SUSD2: variants seen among roughly 807,000 people sequenced by gnomAD.
SUSD2 encodes sushi domain-containing protein 2.
In SUSD2, 86 loss-of-function variants were observed where a neutral mutation model predicts 93.8. The observed-to-expected ratio is 0.92, with a 90% CI of 0.77 to 1.10. The LOEUF is 1.10. SUSD2 is among the 50% of genes least tolerant of loss of function. The probability of loss-of-function intolerance (pLI) is 0.00; values close to 1 mark genes in which losing one functional copy is unlikely to be tolerated. For synonymous variants in SUSD2, 483 were observed against 485.0 expected (o/e 1.00, Z 0.05); for missense variants, 1,060 against 1,137.0 (o/e 0.93, Z 0.97).
intron 2 of SUSD2, 43 bp from the exon 3 acceptor site, chr22:24,183,452 G>A (rs769248695): frequency 6.3e-7 from 1 of 1,590,638 alleles, no homozygotes; most frequent in Non-Finnish European, 8.6e-7. Context: ...GAGAGGCTCA[G>A]CCTGCAATGA....
Position 24,188,297 on chromosome 22 carries a change from A to G in SUSD2, c.2414A>G (p.Tyr805Cys), listed in dbSNP as rs374101403. ...LAVVAAVALV[Y>C]VLLRRRKGNT... is the part of the protein sequence containing the mutation. ...GTGGTGGCGGCGGTTGCGCTCGTCTATGTGCTGCTGCGCCGCAGGAAGGGC... is the reference window on the plus strand; with the variant it reads ...GTGGTGGCGGCGGTTGCGCTCGTCTGTGTGCTGCTGCGCCGCAGGAAGGGC... The change falls in exon 14 of 15, where the codon TAT becomes TGT. Residue 805 changes from tyrosine to cysteine, a missense_variant. Tyr to Cys is a radical substitution (Grantham distance 194). This residue lies in a region of SUSD2 where 973 missense variants were observed against 1,005.3 expected (regional missense o/e 0.97). Coordinates refer to ENST00000358321, the MANE Select transcript of SUSD2 (RefSeq NM_019601.4). The surrounding 1 kb of genome is among the most constrained non-coding windows in gnomAD (Gnocchi z 4.7). 59 of 1,606,302 alleles carry G rather than the reference A, an allele frequency of 3.7e-5. No individual in the cohort carries two copies. The highest frequency in any genetic ancestry group is 4.3e-5 in the Non-Finnish European group (51 of 1,176,972).
Position 24,187,630 on chromosome 22 carries a change from T to C in SUSD2, c.1951T>C (p.Phe651Leu), listed in dbSNP as rs763735794. ...CGATTCCTGGTTCCTGGTCCACAACTTCCTGTACCAACCCAAGCACGACCC... is the reference window on the plus strand; with the variant it reads ...CGATTCCTGGTTCCTGGTCCACAACCTCCTGTACCAACCCAAGCACGACCC... ...TYDSWFLVHN[F>L]LYQPKHDPTF... Residue 651 changes from phenylalanine (F) to leucine (L), a missense_variant, in exon 12 of 15, where the codon TTC becomes CTC. By Grantham distance (22) the Phe-to-Leu change is conservative. Coordinates refer to ENST00000358321, the MANE Select transcript of SUSD2 (RefSeq NM_019601.4). 2.5e-6 allele frequency: 4 copies of C among 1,613,608 alleles called. No individual in the cohort carries two copies. Among genetic ancestry groups the C allele is most frequent in the South Asian group, 2.2e-5 (2 of 91,076 alleles).
Position 24,181,518 on chromosome 22 carries a change from C to T in SUSD2, c.-2C>T, listed in dbSNP as rs769346513. 11 of 1,576,374 alleles carry T rather than the reference C, an allele frequency of 7.0e-6. No individual in the cohort carries two copies. The highest frequency in any genetic ancestry group is 9.4e-6 in the Non-Finnish European group (11 of 1,165,560). ...CTGCTGGCTGCAGACACAGGCTGCA[C>T]CATGAAGCCAGCCCTCCTGCCCTGG... On this transcript the variant is annotated 5_prime_UTR_variant, in exon 1 of 15. Coordinates refer to ENST00000358321, the MANE Select transcript of SUSD2 (RefSeq NM_019601.4).
chr22:24,188,309 G>A lies in SUSD2; in HGVS notation c.2426G>A (p.Arg809His), dbSNP rs140380774. 46 of 1,605,688 alleles carry A rather than the reference G, an allele frequency of 2.9e-5. No homozygotes were observed. The highest frequency in any genetic ancestry group is 1.5e-4 in the Admixed American group (9 of 59,686). ...AAVALVYVLL[R>H]RRKGNTHVWG... ...GTTGCGCTCGTCTATGTGCTGCTGC[G>A]CCGCAGGAAGGGCAACACGTGAGAC... Residue 809 changes from arginine (R) to histidine (H), a missense_variant, in exon 14 of 15, where the codon CGC (arginine) becomes CAC (histidine). This residue lies in a region of SUSD2 where 973 missense variants were observed against 1,005.3 expected (regional missense o/e 0.97). Transcript: ENST00000358321. This position sits in a 1 kb window ranked among gnomAD's most constrained non-coding sequence, Gnocchi z 4.7.
chr22:24,185,763 C>T lies in SUSD2; in HGVS notation c.1173C>T (p.Asp391=), dbSNP rs777413414. The stretch of plus-strand genomic sequence containing the variant: ...GCAGCACTCCCGACCGCGGCCATGA[C>T]TGGGGCGCACCCCCGTTCCGCACGC... ...SGGSTPDRGH[D]WGAPPFRTPP... Residue 391 remains aspartate (D), a synonymous_variant, in exon 8 of 15, where the codon GAC becomes GAT. Transcript: ENST00000358321. The T allele has an allele frequency of 1.7e-5, 28 of 1,609,800 alleles. No homozygotes were observed. Among genetic ancestry groups the T allele is most frequent in the Non-Finnish European group, 2.3e-5 (27 of 1,178,808 alleles).
intron 10 of SUSD2, 111 bp downstream of exon 10, chr22:24,186,526 A>G: frequency 7.3e-7 from 1 of 1,373,288 alleles, no homozygotes. Context: ...TCCTGGCTAG[A>G]GGCCTGGGTG....
chr22:24,187,633 C>G lies in SUSD2; in HGVS notation c.1954C>G (p.Leu652Val). Residue 652 changes from leucine (L) to valine (V), a missense_variant, in exon 12 of 15, where the codon CTG (leucine) becomes GTG (valine). Physicochemically the swap from Leu to Val is conservative, Grantham distance 32. Around this residue, in one of 2 missense-constraint regions of SUSD2, gnomAD observed 973 missense variants for 1,005.3 expected, o/e 0.97. Coordinates refer to ENST00000358321, the MANE Select transcript of SUSD2 (RefSeq NM_019601.4). The part of the protein sequence containing the change: ...YDSWFLVHNF[L>V]YQPKHDPTFE... ...TTCCTGGTTCCTGGTCCACAACTTCCTGTACCAACCCAAGCACGACCCCAC... is the reference window on the plus strand; with the variant it reads ...TTCCTGGTTCCTGGTCCACAACTTCGTGTACCAACCCAAGCACGACCCCAC... 1 of 1,614,130 alleles carries G rather than the reference C, an allele frequency of 6.2e-7. No individual in the cohort carries two copies. The highest frequency in any genetic ancestry group is 1.1e-5 in the South Asian group (1 of 91,078).
chr22:24,182,841 G>A (rs1255941451), intron 1 of SUSD2: 19 of 574,330 alleles, frequency 3.3e-5, no homozygotes, highest in Non-Finnish European at 5.6e-5. Flanking sequence ...CGTCAGTCAG[G>A]GCAACAGCCA....
In SUSD2 at chr22:24,184,785, G is replaced by A. The variant is rs778988311; in HGVS notation, c.627G>A (p.Glu209=). 2 of 1,605,478 alleles carry A rather than the reference G, an allele frequency of 1.2e-6. No homozygotes were observed. Among genetic ancestry groups the A allele is most frequent in the South Asian group, 1.1e-5 (1 of 90,068 alleles). The change falls in exon 5 of 15, where the codon GAG becomes GAA. Residue 209 remains glutamate (E), a synonymous_variant. Transcript: ENST00000358321. ...YEETGMPYSQ[E]WTAKWSYLYP... Reference sequence around the variant, plus strand: ...CCTCAGGAATGCCCTACTCACAGGAGTGGACTGCAAAGTGGTCGTACCTGT... The same window carrying A: ...CCTCAGGAATGCCCTACTCACAGGAATGGACTGCAAAGTGGTCGTACCTGT...
intron 10 of SUSD2, 171 bp from the exon 11 acceptor site, chr22:24,187,031 G>T: frequency 1.3e-6 from 1 of 777,668 alleles, no homozygotes; most frequent in Non-Finnish European, 2.0e-6. Context: ...CGCAAGCATG[G>T]CAGGGGTGGC....
At chr22:24,182,212 G>A (rs1402121659) in intron 1 of SUSD2, among the ~76,000 whole-genome samples, 2 of 152,240 alleles carry the variant, frequency 1.3e-5, no homozygotes, top group Non-Finnish European at 2.9e-5. Flanking sequence ...ATGGGGAAGG[G>A]CCAGGGAAGT....
At position 24,185,367 on chromosome 22, in the gene SUSD2, G is replaced by T. The variant is rs1475879007; in HGVS notation, c.984+72G>T. On this transcript the variant is annotated intron_variant, in intron 6 of 14. Transcript: ENST00000358321. ...CCCCACTGAGGACAGCACCAGGGGA[G>T]GCAGACAGAGGTGTCCTGGAGGGTG... The T allele has an allele frequency of 1.9e-6, 3 of 1,552,652 alleles. No individual in the cohort carries two copies. The African/African-American group carries it at 4.1e-5, about 21-fold the overall frequency.
intron 2 of SUSD2, 27 bp from the exon 3 acceptor site, chr22:24,183,468 C>A: frequency 1.3e-6 from 2 of 1,599,570 alleles, no homozygotes; most frequent in Non-Finnish European, 1.7e-6. Context: ...AATGACCCAG[C>A]CCCTCCCACC....
At chr22:24,184,547 C>T (rs755884649) in intron 4 of SUSD2, among the ~76,000 whole-genome samples, 13 of 152,050 alleles carry the variant, frequency 8.5e-5, no homozygotes, top group Non-Finnish European at 1.3e-4. Flanking sequence ...AACCCCTGCA[C>T]GGCTGGCATG....
At chr22:24,185,339 C>A in intron 6 of SUSD2, 44 bp downstream of exon 6, 1 of 1,583,820 alleles carries the variant, frequency 6.3e-7, no homozygotes, top group South Asian at 1.1e-5. Flanking sequence ...GAGGGGTTAG[C>A]CTCCCCACTG....
In SUSD2 at chr22:24,188,173, C is replaced by A. The variant is rs1373327867; in HGVS notation, c.2341+38C>A. On this transcript the variant is annotated intron_variant, in intron 13 of 14. Coordinates refer to ENST00000358321, the MANE Select transcript of SUSD2 (RefSeq NM_019601.4). This position sits in a 1 kb window ranked among gnomAD's most constrained non-coding sequence, Gnocchi z 4.7. ...TGCTCATACACCTGCCTGCACCTGT[C>A]CCCACTCACCACCCCAGAGAGCCCC... 3.8e-6 allele frequency: 6 copies of A among 1,598,196 alleles called. No individual in the cohort carries two copies. The African/African-American group carries it at 8.0e-5, about 21-fold the overall frequency.
chr22:24,186,687 G>A (rs1337918950), intron 10 of SUSD2: 1 of 520,362 alleles, frequency 1.9e-6, no homozygotes, highest in Admixed American at 3.3e-5. Context: ...GTTCACCGCT[G>A]GCCTGCACAG....
rs761490207 is a variant in SUSD2 at position 24,187,756 on chromosome 22, G to A, written c.2077G>A (p.Val693Met). The change falls in exon 12 of 15, where the codon GTG becomes ATG. Residue 693 changes from valine to methionine, a missense_variant. Val to Met is a conservative substitution (Grantham distance 21). Coordinates refer to ENST00000358321, the MANE Select transcript of SUSD2 (RefSeq NM_019601.4). ...CGDDHFCNFD[V>M]AATGSLSTGT... ...GGACGATCATTTCTGCAACTTTGAT[G>A]TGGCAGCCACTGGGAGCCTGAGCAC... The A allele has an allele frequency of 5.0e-6, 8 of 1,613,766 alleles. No homozygotes were observed. The highest frequency in any genetic ancestry group is 6.8e-6 in the Non-Finnish European group (8 of 1,180,014).
At chr22:24,183,729 C>G (rs2047341596) in intron 3 of SUSD2, 83 bp downstream of exon 3, 1 of 1,434,372 alleles carries the variant, frequency 7.0e-7, no homozygotes, top group Non-Finnish European at 9.4e-7. Flanking sequence ...CTTGGCCTGT[C>G]CGTGCCCTGC....
Sources: allele counts gnomAD v4.1 joint callset (sites outside exome capture counted in the v4.1 genomes callset), GRCh38; gene constraint gnomAD v4.1.1; regional missense constraint gnomAD v4.1.1; non-coding constraint Gnocchi (gnomAD v3.1); transcripts MANE v1.5; gene names NCBI Gene and HGNC (gene_info 2026-07-23, HGNC 2026-07-21).